CDH17: variants seen among roughly 807,000 people sequenced by gnomAD.
CDH17 encodes cadherin 17, also known as cadherin-17.
In CDH17, 67 loss-of-function variants were observed where a neutral mutation model predicts 86.3. The ratio of observed to expected loss-of-function variants is 0.78; its 90% CI spans 0.64 to 0.95. The LOEUF is 0.95. Among genes scored for constraint, CDH17 ranks in the 40% least tolerant of loss-of-function variants. The pLI, the probability that CDH17 is intolerant of heterozygous loss-of-function variation, is 0.00. For missense variants in CDH17, 993 were observed against 1,017.6 expected, an observed-to-expected ratio of 0.98 and a Z score of 0.33; for synonymous variants, 367 against 366.4, an observed-to-expected ratio of 1.00 and a Z score of -0.02.
At position 94,159,993 on chromosome 8, in the gene CDH17, G is replaced by T; in HGVS notation, c.1529C>A (p.Thr510Asn). 6.2e-7 allele frequency: 1 copy of T among 1,609,134 alleles called. No individual in the cohort carries two copies. The highest frequency in any genetic ancestry group is 1.1e-5 in the South Asian group (1 of 89,452). The change falls in exon 12 of 18, where the codon ACC becomes AAC. Residue 510 changes from threonine to asparagine, a missense_variant. Physicochemically the swap from Thr to Asn is moderately conservative, Grantham distance 65. Transcript: ENST00000027335. ...LGVDTDPHTN[T>N]GYVIIKKPLD... The stretch of plus-strand genomic sequence containing the variant: ...TACCTTTTTAATTATGACATATCCG[G>T]TGTTGGTATGGGGATCTGTGTCAAC...
chr8:94,170,465 A>G lies in CDH17; in HGVS notation c.998T>C (p.Ile333Thr), dbSNP rs773748853. ...PLEIHVKVKDINDNPPTCPSP... is the reference protein window; with the variant it reads ...PLEIHVKVKDTNDNPPTCPSP... ...CGGACATGTAGGTGGATTATCATTA[A>G]TATCTTTAACTTTTACATGAATTTC... The change falls in exon 9 of 18, where the codon ATT becomes ACT. Residue 333 changes from isoleucine to threonine, a missense_variant. Coordinates refer to ENST00000027335, the MANE Select transcript of CDH17 (RefSeq NM_004063.4). The G allele has an allele frequency of 5.0e-6, 8 of 1,613,902 alleles. No individual in the cohort carries two copies. The highest frequency in any genetic ancestry group is 6.8e-6 in the Non-Finnish European group (8 of 1,179,816).
chr8:94,204,882 G>A (rs757520120), intron 1 of CDH17, among the ~76,000 whole-genome samples: 4 of 152,174 alleles, frequency 2.6e-5, no homozygotes, highest in Non-Finnish European at 5.9e-5. Context: ...GCAGTCACAG[G>A]AAAGGGAGCC....
chr8:94,200,532 C>CTTTTTTTTTTTTT lies in CDH17; in HGVS notation c.-20-5828_-20-5827insAAAAAAAAAAAAA, dbSNP rs1387182561. Among the ~76,000 whole-genome samples, 8 of 50,238 alleles carry CTTTTTTTTTTTTT rather than the reference C, an allele frequency of 1.6e-4. 1 individual carries two copies. The highest frequency in any genetic ancestry group is 4.7e-4 in the African/African-American group (6 of 12,798). 33.0% of individuals were successfully genotyped at this position (50,238 alleles called of 152,430 possible). ...TAGATCAGAGGGTTATTATTATTAT[C>CTTTTTTTTTTTTT]TTTTGTTTTTTTTTTTTTTTTTTTT... On this transcript the variant is annotated intron_variant, in intron 1 of 17. Coordinates refer to ENST00000027335, the MANE Select transcript of CDH17 (RefSeq NM_004063.4).
chr8:94,186,865 A>G (rs186855328), intron 3 of CDH17, among the ~76,000 whole-genome samples: 3 of 152,324 alleles, frequency 2.0e-5, no homozygotes, highest in Admixed American at 6.5e-5. Flanking sequence ...GGGCTAGTCC[A>G]GCCCGTGCTG....
Position 94,160,042 on chromosome 8 carries a change from C to G in CDH17, c.1480G>C (p.Gly494Arg), listed in dbSNP as rs1813020980. The G allele has an allele frequency of 5.0e-6, 8 of 1,613,680 alleles. No homozygotes were observed. The highest frequency in any genetic ancestry group is 5.9e-6 in the Non-Finnish European group (7 of 1,179,812). Reference sequence around the variant, plus strand: ...ACCCCCAGGCGTCCCTCACTGTCTCCCTTTATGATATGATACAGAATTTTA... The same window carrying G: ...ACCCCCAGGCGTCCCTCACTGTCTCGCTTTATGATATGATACAGAATTTTA... ...SSKILYHIIK[G>R]DSEGRLGVDT... Residue 494 changes from glycine to arginine, a missense_variant, in exon 12 of 18, where the codon GGA becomes CGA. Transcript: ENST00000027335.
At position 94,208,470 on chromosome 8, in the gene CDH17, T is replaced by A. The variant is rs1814071273; in HGVS notation, c.-21+13A>T. 2 of 152,214 alleles carry A rather than the reference T, an allele frequency of 1.3e-5. No homozygotes were observed. Among genetic ancestry groups the A allele is most frequent in the African/African-American group, 4.8e-5 (2 of 41,460 alleles). 9.4% of individuals were successfully genotyped at this position (152,214 alleles called of 1,614,324 possible). On this transcript the variant is annotated intron_variant, in intron 1 of 17. Transcript: ENST00000027335. ...ATACGTTACTGACACAGTTAAGACA[T>A]GTCAGCCCTTACCTTTCTGTAAGTC...
intron 12 of CDH17, 142 bp from the exon 13 acceptor site, chr8:94,152,254 G>A: frequency 1.2e-6 from 1 of 860,198 alleles, no homozygotes; most frequent in South Asian, 1.8e-5. Flanking sequence ...AATGAAATTA[G>A]ACTATTTCAT....
intron 12 of CDH17, among the ~76,000 whole-genome samples, chr8:94,155,379 C>T (rs141466565): frequency 8.6e-4 from 131 of 151,964 alleles, no homozygotes; most frequent in African/African-American, 3.1e-3. Flanking sequence ...AGGCAGCAGC[C>T]CCCAGAATGA....
At chr8:94,131,847 G>A (rs1400502997) in intron 15 of CDH17, among the ~76,000 whole-genome samples, 1 of 152,028 alleles carries the variant, frequency 6.6e-6, no homozygotes, top group Non-Finnish European at 1.5e-5. Context: ...CCCCTGACAG[G>A]CTCTGGTGTG....
chr8:94,169,020 T>C lies in CDH17; in HGVS notation c.1066+1377A>G, dbSNP rs1200334714. On this transcript the variant is annotated intron_variant, in intron 9 of 17. Transcript: ENST00000027335. ...CAGACTCACAGAAACTGTGACATGATACATGCTTGTTGTTTCAAGCTGCCA... is the reference window on the plus strand; with the variant it reads ...CAGACTCACAGAAACTGTGACATGACACATGCTTGTTGTTTCAAGCTGCCA... Among the ~76,000 whole-genome samples the C allele has an allele frequency of 7.9e-5, 12 of 152,174 alleles. No homozygotes were observed. In the East Asian group the frequency reaches 2.3e-3, roughly 29 times the overall value.
intron 11 of CDH17, among the ~76,000 whole-genome samples, chr8:94,160,742 C>T (rs1813035981): frequency 6.6e-6 from 1 of 152,190 alleles, no homozygotes; most frequent in African/African-American, 2.4e-5. Context: ...GGAGACAATG[C>T]ATGTAAAGCT....
At chr8:94,149,861 A>G (rs1027543552) in intron 13 of CDH17, among the ~76,000 whole-genome samples, 1 of 152,218 alleles carries the variant, frequency 6.6e-6, no homozygotes, top group African/African-American at 2.4e-5. Flanking sequence ...AGGAAAACCA[A>G]TGGTAGTCCT....
intron 15 of CDH17, among the ~76,000 whole-genome samples, chr8:94,145,375 A>T (rs936643251): frequency 6.6e-5 from 10 of 152,338 alleles, no homozygotes; most frequent in Admixed American, 3.3e-4. Context: ...GACCAAAAAA[A>T]ATATACATAC....
At chr8:94,189,609 C>T (rs910097005) in intron 2 of CDH17, among the ~76,000 whole-genome samples, 1 of 152,210 alleles carries the variant, frequency 6.6e-6, no homozygotes, top group African/African-American at 2.4e-5. Context: ...CCTAACTGAA[C>T]TAAAGCCCAT....
intron 5 of CDH17, among the ~76,000 whole-genome samples, chr8:94,175,457 G>A (rs1813354440): frequency 6.6e-6 from 1 of 152,108 alleles, no homozygotes; most frequent in Admixed American, 6.6e-5. Flanking sequence ...AAGCTTGATG[G>A]TGGGATGATG....
chr8:94,216,562 TG>T (rs1355646236), intron 1 of CDH17, among the ~76,000 whole-genome samples: 3 of 36,998 alleles, frequency 8.1e-5, no homozygotes, highest in African/African-American at 2.2e-4. Flanking sequence ...CCAGAGGGTT[TG>T]TTTTTTTTTT....
intron 3 of CDH17, among the ~76,000 whole-genome samples, chr8:94,185,276 TACACACACACACACACACAC>T (rs71277462): frequency 1.5e-5 from 2 of 136,760 alleles, no homozygotes; most frequent in African/African-American, 2.6e-5. Flanking sequence ...CCTACCCCAA[TACACACACACACACACACAC>T]ACACACACAC....
chr8:94,180,956 AAAAAC>A (rs1275507046), intron 3 of CDH17, among the ~76,000 whole-genome samples: 1 of 151,836 alleles, frequency 6.6e-6, no homozygotes, highest in African/African-American at 2.4e-5. Flanking sequence ...AAAAAAAAAA[AAAAAC>A]AAAGTGCTGA....
intron 15 of CDH17, among the ~76,000 whole-genome samples, chr8:94,131,327 T>A (rs1470070244): frequency 1.3e-5 from 2 of 152,218 alleles, no homozygotes; most frequent in African/African-American, 4.8e-5. Context: ...CAGGGTTAGG[T>A]TTCTGTGAGC....
Sources: gnomAD v4.1 joint callset for allele counts (sites outside exome capture counted in the v4.1 genomes callset) on GRCh38, gnomAD v4.1.1 for gene constraint, MANE v1.5 for transcripts, NCBI Gene and HGNC (gene_info 2026-07-23, HGNC 2026-07-21) for gene names.